The following INTS8 variants were observed in gnomAD, a reference collection of about 807,000 sequenced individuals.
The protein encoded by INTS8 is protein kaonashi-1.
Under a neutral mutation model 138.9 loss-of-function variants are expected in INTS8, and 47 were observed. The observed-to-expected ratio is 0.34, with a 90% confidence interval of 0.27 to 0.43. The LOEUF (loss-of-function observed/expected upper bound fraction) is 0.43. Ranked by LOEUF, INTS8 falls within the 20% of genes least tolerant of loss-of-function variation. The pLI is 1.00. For synonymous variants in INTS8, 392 were observed against 400.9 expected (o/e 0.98, Z 0.27); for missense variants, 996 against 1,173.0 (o/e 0.85, Z 2.20).
Position 94,824,986 on chromosome 8 carries a change from A to G in INTS8, c.224A>G (p.Asn75Ser). 6.2e-7 allele frequency: 1 copy of G among 1,612,748 alleles called. No individual in the cohort carries two copies. The highest frequency in any genetic ancestry group is 8.5e-7 in the Non-Finnish European group (1 of 1,178,862). Residue 75 changes from asparagine (N) to serine (S), a missense_variant, in exon 2 of 27, where the codon AAC becomes AGC. By Grantham distance (46) the Asn-to-Ser change is conservative. Coordinates refer to ENST00000523731, the MANE Select transcript of INTS8 (RefSeq NM_017864.4). ...AACCAAGTTCAACCTCCGCCTGATAACAAGAGAAATCGTATTTTAAAACTA... is the reference window on the plus strand; with the variant it reads ...AACCAAGTTCAACCTCCGCCTGATAGCAAGAGAAATCGTATTTTAAAACTA... ...EQNQVQPPPD[N>S]KRNRILKLLA...
chr8:94,824,606 G>C (rs559783584), intron 1 of INTS8, among the ~76,000 whole-genome samples: 2 of 152,048 alleles, frequency 1.3e-5, no homozygotes, highest in Admixed American at 6.5e-5. Flanking sequence ...TGACTGTTAT[G>C]TTCTTCCCCG....
At chr8:94,856,712 A>G in intron 14 of INTS8, 65 bp from the exon 15 acceptor site, 3 of 1,347,326 alleles carry the variant, frequency 2.2e-6, no homozygotes, top group South Asian at 1.2e-5. Flanking sequence ...CTCTGTCAAC[A>G]TAAAGGCACA....
intron 16 of INTS8, chr8:94,860,049 T>C (rs1815897438): frequency 6.5e-6 from 1 of 154,392 alleles, no homozygotes; most frequent in Non-Finnish European, 1.4e-5. Context: ...GAATCTCCAA[T>C]AGGTTTGCTA....
chr8:94,843,338 C>T (rs1260448671), intron 10 of INTS8, among the ~76,000 whole-genome samples: 4 of 152,168 alleles, frequency 2.6e-5, no homozygotes, highest in African/African-American at 9.6e-5. Context: ...GAGGCCAAGG[C>T]GAGTGGATCA....
chr8:94,861,837 C>T (rs1336232840), intron 16 of INTS8, among the ~76,000 whole-genome samples: 1 of 152,092 alleles, frequency 6.6e-6, no homozygotes, highest in Non-Finnish European at 1.5e-5. Flanking sequence ...AGGCGTGAGC[C>T]ACCGCGCCCG....
At chr8:94,833,963 G>A (rs1486331566) in intron 6 of INTS8, among the ~76,000 whole-genome samples, 2 of 152,006 alleles carry the variant, frequency 1.3e-5, no homozygotes, top group Non-Finnish European at 2.9e-5. Flanking sequence ...GTAGAGATGG[G>A]GTTTCTCCAT....
chr8:94,873,439 T>A lies in INTS8; in HGVS notation c.2599T>A (p.Phe867Ile). The change falls in exon 22 of 27, where the codon TTT becomes ATT. Residue 867 changes from phenylalanine to isoleucine, a missense_variant. By Grantham distance (21) the Phe-to-Ile change is conservative. Coordinates refer to ENST00000523731, the MANE Select transcript of INTS8 (RefSeq NM_017864.4). ...GGCAGGAGCTGTGTGTTCTGACTTCTTTAACAAGGCTGTGCCCCCTGATGT... is the reference window on the plus strand; with the variant it reads ...GGCAGGAGCTGTGTGTTCTGACTTCATTAACAAGGCTGTGCCCCCTGATGT... ...LQAGAVCSDF[F>I]NKAVPPDVYT... 1 of 1,613,990 alleles carries A rather than the reference T, an allele frequency of 6.2e-7. No individual in the cohort carries two copies. Among genetic ancestry groups the A allele is most frequent in the Non-Finnish European group, 8.5e-7 (1 of 1,179,808 alleles).
intron 13 of INTS8, among the ~76,000 whole-genome samples, chr8:94,853,001 A>G (rs920172848): frequency 1.3e-5 from 2 of 151,916 alleles, no homozygotes; most frequent in Non-Finnish European, 2.9e-5. Flanking sequence ...CATTGATGCT[A>G]TTTATTAGTG....
intron 18 of INTS8, 100 bp from the exon 19 acceptor site, chr8:94,867,039 CA>C (rs1816203015): frequency 1.1e-6 from 1 of 909,846 alleles, no homozygotes; most frequent in Non-Finnish European, 1.7e-6. Flanking sequence ...TTTCAAAAGG[CA>C]AGGGTCTTTT....
chr8:94,843,037 C>T (rs1006612902), intron 10 of INTS8, among the ~76,000 whole-genome samples: 5 of 152,222 alleles, frequency 3.3e-5, no homozygotes, highest in African/African-American at 1.2e-4. Context: ...TTTACAACCT[C>T]CTCTACCTTC....
chr8:94,877,751 T>C (rs76980318), intron 26 of INTS8, among the ~76,000 whole-genome samples: 2,488 of 152,248 alleles, frequency 0.016, 50 homozygotes, highest in East Asian at 0.084. Flanking sequence ...TCAGGCACAA[T>C]TGTTCTGTTA....
chr8:94,879,990 A>G lies in INTS8; in HGVS notation c.2872-128A>G, dbSNP rs1586540234. On this transcript the variant is annotated intron_variant, in intron 26 of 26. Transcript: ENST00000523731. Reference sequence around the variant, plus strand: ...TTTTTTTCCAAGACTCCTGGGTTTTACAGTTAAGAGGTTCAGTTAATCATT... The same window carrying G: ...TTTTTTTCCAAGACTCCTGGGTTTTGCAGTTAAGAGGTTCAGTTAATCATT... 4.7e-6 allele frequency: 3 copies of G among 632,872 alleles called. No individual in the cohort carries two copies. In the East Asian group the frequency reaches 8.8e-5, roughly 19 times the overall value. The allele number at this position is 632,872 out of a possible 1,614,324, so 39.2% of individuals were successfully genotyped here. A position where few individuals can be genotyped will look rare whatever the true frequency, so the allele number is the denominator to read the frequency against.
chr8:94,831,462 G>A (rs1388053205), intron 5 of INTS8, among the ~76,000 whole-genome samples: 1 of 141,296 alleles, frequency 7.1e-6, no homozygotes, highest in East Asian at 2.1e-4. Flanking sequence ...AGTCTTTCCT[G>A]TTTTTTGTAT....
At chr8:94,849,070 TACTC>T (rs993050907) in intron 10 of INTS8, among the ~76,000 whole-genome samples, 2 of 152,084 alleles carry the variant, frequency 1.3e-5, no homozygotes, top group African/African-American at 2.4e-5. Context: ...ATAAATCACT[TACTC>T]TTTTCAATTA....
intron 26 of INTS8, chr8:94,879,856 T>C: frequency 4.4e-6 from 1 of 226,600 alleles, no homozygotes; most frequent in South Asian, 1.1e-4. Context: ...TTCAAATAAA[T>C]TTACATGAAT....
At chr8:94,827,626 T>C in intron 3 of INTS8, 96 bp from the exon 4 acceptor site, 1 of 1,109,234 alleles carries the variant, frequency 9.0e-7, no homozygotes. Flanking sequence ...CAATTAATGC[T>C]TCATATAATT....
At position 94,849,971 on chromosome 8, in the gene INTS8, G is replaced by A; in HGVS notation, c.1387G>A (p.Glu463Lys). The A allele has an allele frequency of 1.2e-6, 2 of 1,612,836 alleles. No homozygotes were observed. Among genetic ancestry groups the A allele is most frequent in the East Asian group, 2.2e-5 (1 of 44,832 alleles). ...LQYVFMISSHELFITLLKDEE... is the reference protein window; with the variant it reads ...LQYVFMISSHKLFITLLKDEE... ...GTATGTTTTCATGATTTCTTCACAT[G>A]AGCTTTTCATTACATTGTTGAAAGA... The change falls in exon 12 of 27, where the codon GAG becomes AAG. Residue 463 changes from glutamate (E) to lysine (K), a missense_variant. Physicochemically the swap from Glu to Lys is moderately conservative, Grantham distance 56 (BLOSUM62 1). Transcript: ENST00000523731.
At chr8:94,838,683 G>C in intron 8 of INTS8, 65 bp downstream of exon 8, 2 of 1,342,594 alleles carry the variant, frequency 1.5e-6, no homozygotes, top group Non-Finnish European at 2.1e-6. Flanking sequence ...TCAAATCCTC[G>C]CACCATCCAT....
At chr8:94,829,352 C>G (rs752112143) in intron 5 of INTS8, among the ~76,000 whole-genome samples, 3 of 151,784 alleles carry the variant, frequency 2.0e-5, no homozygotes, top group Non-Finnish European at 2.9e-5. Flanking sequence ...AGTGACAGAT[C>G]ATCAGGCATT....
Sources: allele counts gnomAD v4.1 joint callset (sites outside exome capture counted in the v4.1 genomes callset), GRCh38; gene constraint gnomAD v4.1.1; transcripts MANE v1.5; gene names NCBI Gene and HGNC (gene_info 2026-07-23, HGNC 2026-07-21).